The following TMEM87A variants were observed in gnomAD, a reference collection of about 807,000 sequenced individuals.
The protein encoded by TMEM87A is transmembrane protein 87A.
TMEM87A carries 50 observed loss-of-function variants against 90.0 expected under a neutral mutation model. The ratio of observed to expected loss-of-function variants is 0.56; its 90% CI spans 0.44 to 0.70. TMEM87A has a LOEUF of 0.70. Among genes scored for constraint, TMEM87A ranks in the 30% least tolerant of loss-of-function variants. The pLI, the probability that TMEM87A is intolerant of heterozygous loss-of-function variation, is 0.00. For synonymous variants in TMEM87A, 226 were observed against 226.7 expected, an observed-to-expected ratio of 1.00 and a Z score of 0.03; for missense variants, 577 against 660.5, an observed-to-expected ratio of 0.87 and a Z score of 1.39.
At chr15:42,257,929 A>T (rs1374053564) in intron 6 of TMEM87A, 2 of 984,048 alleles carry the variant, frequency 2.0e-6, no homozygotes, top group Non-Finnish European at 2.4e-6. Context: ...CAAACTGCTA[A>T]AACTATTAGA....
intron 3 of TMEM87A, among the ~76,000 whole-genome samples, chr15:42,265,548 G>A (rs2051386177): frequency 6.6e-6 from 1 of 151,764 alleles, no homozygotes; most frequent in Non-Finnish European, 1.5e-5. Flanking sequence ...CTTTTCTATG[G>A]GGTTGTTTTT....
At chr15:42,234,266 C>T (rs1310750081) in intron 10 of TMEM87A, among the ~76,000 whole-genome samples, 1 of 152,188 alleles carries the variant, frequency 6.6e-6, no homozygotes, top group Non-Finnish European at 1.5e-5. Flanking sequence ...GTCTTAACTC[C>T]TTGAGATTCA....
chr15:42,273,511 A>C (rs2051608454), upstream of TMEM87A: 1 of 1,513,374 alleles, frequency 6.6e-7, no homozygotes, highest in Admixed American at 2.0e-5. Flanking sequence ...AACGTCGCGG[A>C]GCTTGTTTGC....
chr15:42,226,201 C>T (rs137857603), intron 15 of TMEM87A, among the ~76,000 whole-genome samples: 188 of 151,872 alleles, frequency 1.2e-3, no homozygotes, highest in African/African-American at 4.3e-3. Flanking sequence ...GGTTCCGCCA[C>T]GGTGGTCAGG....
chr15:42,222,123 C>G (rs553626999), intron 15 of TMEM87A, among the ~76,000 whole-genome samples: 1 of 151,888 alleles, frequency 6.6e-6, no homozygotes. Flanking sequence ...TGCAATGGCG[C>G]GATCTCAGCT....
chr15:42,258,979 A>G, intron 6 of TMEM87A: 1 of 894,808 alleles, frequency 1.1e-6, no homozygotes, highest in Non-Finnish European at 1.8e-6. Flanking sequence ...TCTTCAAGAA[A>G]GGCATCTGAA....
intron 6 of TMEM87A, among the ~76,000 whole-genome samples, chr15:42,252,694 T>C (rs1445407867): frequency 6.6e-6 from 1 of 152,118 alleles, no homozygotes; most frequent in East Asian, 1.9e-4. Context: ...CTGGTTTCCT[T>C]TAGTTTCTTC....
intron 1 of TMEM87A, 117 bp downstream of exon 1, chr15:42,273,138 C>A: frequency 7.5e-7 from 1 of 1,331,532 alleles, no homozygotes; most frequent in South Asian, 1.3e-5. Flanking sequence ...CACAGACCAT[C>A]CCAGCAACCC....
chr15:42,255,130 T>C (rs2051153136), intron 6 of TMEM87A, among the ~76,000 whole-genome samples: 1 of 151,464 alleles, frequency 6.6e-6, no homozygotes, highest in Admixed American at 6.6e-5. Context: ...GCTGGGTAAA[T>C]TGGGGGTTTT....
chr15:42,272,987 C>T (rs533532655), intron 1 of TMEM87A: 3 of 623,364 alleles, frequency 4.8e-6, no homozygotes, highest in South Asian at 1.5e-5. Flanking sequence ...TCAAGTCAGG[C>T]ACTGAAAGTT....
At chr15:42,231,537 T>C (rs919979839) in intron 11 of TMEM87A, among the ~76,000 whole-genome samples, 1 of 152,186 alleles carries the variant, frequency 6.6e-6, no homozygotes, top group African/African-American at 2.4e-5. Flanking sequence ...TGTTAACAAG[T>C]GACCATATTC....
intron 9 of TMEM87A, 64 bp downstream of exon 9, chr15:42,237,368 G>T: frequency 6.5e-7 from 1 of 1,536,292 alleles, no homozygotes; most frequent in Admixed American, 1.8e-5. Context: ...GCTGACCTTA[G>T]GAATATTTTC....
chr15:42,228,482 G>C (rs184757972), intron 13 of TMEM87A, among the ~76,000 whole-genome samples: 1 of 152,126 alleles, frequency 6.6e-6, no homozygotes, highest in African/African-American at 2.4e-5. Context: ...ATAGAAGAGG[G>C]ATAAATGAAG....
chr15:42,224,138 T>A (rs2050546737), intron 15 of TMEM87A, among the ~76,000 whole-genome samples: 1 of 152,212 alleles, frequency 6.6e-6, no homozygotes, highest in African/African-American at 2.4e-5. Flanking sequence ...TGTAACAGTA[T>A]GGTTTATGAT....
At chr15:42,257,848 G>T in intron 6 of TMEM87A, 4 of 945,370 alleles carry the variant, frequency 4.2e-6, no homozygotes, top group Non-Finnish European at 5.0e-6. Context: ...GTAATAAAAA[G>T]AAAAAATTAT....
intron 3 of TMEM87A, among the ~76,000 whole-genome samples, chr15:42,266,435 G>T (rs1036528488): frequency 1.3e-5 from 2 of 151,160 alleles, no homozygotes. Context: ...ACAATCACTT[G>T]AACCCAGGAG....
At chr15:42,265,091 C>T (rs1376566807) in intron 3 of TMEM87A, among the ~76,000 whole-genome samples, 1 of 152,144 alleles carries the variant, frequency 6.6e-6, no homozygotes, top group African/African-American at 2.4e-5. Flanking sequence ...ATATGTACCA[C>T]ATTTATCCAG....
At chr15:42,238,001 ATATATGTGTG>A (rs1328910423) in intron 8 of TMEM87A, among the ~76,000 whole-genome samples, 82 of 5,996 alleles carry the variant, frequency 0.014, no homozygotes, top group Non-Finnish European at 0.032. Flanking sequence ...ATGTATATAT[ATATATGTGTG>A]TGTGTGTGTG....
At chr15:42,232,549 C>A (rs1276692040) in intron 11 of TMEM87A, among the ~76,000 whole-genome samples, 10 of 152,154 alleles carry the variant, frequency 6.6e-5, no homozygotes, top group African/African-American at 2.4e-4. Flanking sequence ...TCTCGGCTCA[C>A]TGCAAGCTCC....
Sources: allele counts gnomAD v4.1 joint callset (sites outside exome capture counted in the v4.1 genomes callset), GRCh38; gene constraint gnomAD v4.1.1; transcripts MANE v1.5; gene names NCBI Gene and HGNC (gene_info 2026-07-23, HGNC 2026-07-21).